Variants in COL4A1 observed in about 807,000 individuals in gnomAD.
COL4A1 encodes collagen type IV alpha 1 chain, also known as collagen alpha-1(IV) chain.
Under a neutral mutation model 216.6 loss-of-function variants are expected in COL4A1, and 40 were observed. The observed-to-expected ratio is 0.18, with a 90% confidence interval of 0.14 to 0.24. The LOEUF is 0.24. Among genes scored for constraint, COL4A1 ranks in the 10% least tolerant of loss-of-function variants. COL4A1 has a pLI of 1.00. For synonymous variants in COL4A1, 839 were observed against 810.7 expected (o/e 1.03, Z -0.59); for missense variants, 1,628 against 2,196.8 (o/e 0.74, Z 5.18).
chr13:110,178,295 T>C, intron 31 of COL4A1, 64 bp from the exon 32 acceptor site: 1 of 1,601,266 alleles, frequency 6.2e-7, no homozygotes, highest in Non-Finnish European at 8.5e-7. Context: ...CAATGTACAG[T>C]GCTCTGTTTA....
intron 1 of COL4A1, among the ~76,000 whole-genome samples, chr13:110,256,821 G>A (rs1461667884): frequency 2.6e-5 from 4 of 152,158 alleles, no homozygotes; most frequent in South Asian, 2.1e-4. Context: ...ATCTAACCAC[G>A]CACTCACTAT....
chr13:110,238,719 T>A (rs577403081), intron 2 of COL4A1, among the ~76,000 whole-genome samples: 2 of 152,302 alleles, frequency 1.3e-5, no homozygotes, highest in African/African-American at 4.8e-5. Flanking sequence ...CAGACTATGG[T>A]GATAGTGTTA....
chr13:110,273,740 C>T (rs1233637113), intron 1 of COL4A1, among the ~76,000 whole-genome samples: 1 of 152,194 alleles, frequency 6.6e-6, no homozygotes, highest in African/African-American at 2.4e-5. Flanking sequence ...AAGGGTCATT[C>T]AGACTGACCC....
At position 110,175,333 on chromosome 13, in the gene COL4A1, G is replaced by T. The variant is rs756879840; in HGVS notation, c.3083C>A (p.Pro1028His). The change falls in exon 37 of 52, where the codon CCT becomes CAT. Residue 1028 changes from proline to histidine, a missense_variant. Physicochemically the swap from Pro to His is moderately conservative, Grantham distance 77. Coordinates refer to ENST00000375820, the MANE Select transcript of COL4A1 (RefSeq NM_001845.6). ...LPGTPGEKGV[P>H]GIPGPQGSPG... ...TGAACCTTGTGGGCCAGGGATGCCA[G>T]GCACACCTTTCTCTCCAGGTGTTCC... 6.2e-7 allele frequency: 1 copy of T among 1,614,186 alleles called. No homozygotes were observed. The highest frequency in any genetic ancestry group is 8.5e-7 in the Non-Finnish European group (1 of 1,180,036).
intron 22 of COL4A1, among the ~76,000 whole-genome samples, chr13:110,194,203 G>T (rs1878773852): frequency 6.6e-6 from 1 of 152,178 alleles, no homozygotes; most frequent in Non-Finnish European, 1.5e-5. Context: ...TTCAGGTCCT[G>T]CAGTGTATGT....
chr13:110,210,672 C>A (rs555849107), intron 8 of COL4A1, among the ~76,000 whole-genome samples: 32 of 152,340 alleles, frequency 2.1e-4, no homozygotes, highest in African/African-American at 7.5e-4. Flanking sequence ...TTGGGTTAAA[C>A]ACCAGACCAG....
rs1287035348 is a variant in COL4A1, at chr13:110,175,365, CACAA to C, written c.3059-12_3059-9del. 6.2e-6 allele frequency: 10 copies of C among 1,614,132 alleles called. No homozygotes were observed. In the East Asian group the frequency reaches 2.2e-4, roughly 36 times the overall value. On this transcript the variant is annotated splice_polypyrimidine_tract_variant and intron_variant, in intron 36 of 51. Coordinates refer to ENST00000375820, the MANE Select transcript of COL4A1 (RefSeq NM_001845.6). ...CTTTCTCTCCAGGTGTTCCTATAAA[CACAA>C]ACAATTGAAACTTGATTTGGGCTTA...
At chr13:110,204,939 G>A (rs979258586) in intron 17 of COL4A1, among the ~76,000 whole-genome samples, 3 of 152,076 alleles carry the variant, frequency 2.0e-5, no homozygotes, top group Admixed American at 6.5e-5. Context: ...CTATCATTAC[G>A]TGAAAAAGCA....
At chr13:110,230,569 C>T (rs1880997249) in intron 2 of COL4A1, among the ~76,000 whole-genome samples, 1 of 152,014 alleles carries the variant, frequency 6.6e-6, no homozygotes, top group Non-Finnish European at 1.5e-5. Context: ...TGCACCTCCT[C>T]TAAGACCACG....
rs569611191 is a variant in COL4A1, at chr13:110,207,559, G to C, written c.694-70C>G. 31 of 1,269,326 alleles carry C rather than the reference G, an allele frequency of 2.4e-5. No homozygotes were observed. In the East Asian group the frequency reaches 3.0e-4, roughly 12 times the overall value. 78.6% of individuals were successfully genotyped at this position (1,269,326 alleles called of 1,614,324 possible). ...ATGCAGACATGAAAAATTGCAGAGA[G>C]AGGTAAAAGCCTAAAATAAAACACC... On this transcript the variant is annotated intron_variant, in intron 12 of 51. Coordinates refer to ENST00000375820, the MANE Select transcript of COL4A1 (RefSeq NM_001845.6). The surrounding 1 kb of genome is among the most constrained non-coding windows in gnomAD (Gnocchi z 4.4).
chr13:110,206,621 AAGG>A, intron 15 of COL4A1, 41 bp downstream of exon 15: 2 of 1,602,052 alleles, frequency 1.2e-6, no homozygotes, highest in South Asian at 1.1e-5. Flanking sequence ...TTCCGCATGG[AAGG>A]AGAATTGTTT....
intron 11 of COL4A1, 38 bp downstream of exon 11, chr13:110,209,354 A>G (rs780536526): frequency 6.3e-7 from 1 of 1,597,858 alleles, no homozygotes; most frequent in South Asian, 1.1e-5. Context: ...ATAGCCTTAT[A>G]CTAATGCCAA....
In COL4A1 at chr13:110,201,241, A is replaced by C. The variant is rs920268319; in HGVS notation, c.1084+197T>G. On this transcript the variant is annotated intron_variant, in intron 19 of 51. Transcript: ENST00000375820. ...TAGAAAGCGTGGGGAGAGAGAGAGAAGGAGGAGGAGGAGGAAGAGGAGAAA... is the reference window on the plus strand; with the variant it reads ...TAGAAAGCGTGGGGAGAGAGAGAGACGGAGGAGGAGGAGGAAGAGGAGAAA... 4.3e-5 allele frequency among the ~76,000 whole-genome samples: 6 copies of C among 140,272 alleles called. No homozygotes were observed. The South Asian group carries it at 1.5e-3, about 35-fold the overall frequency. 92.0% of individuals were successfully genotyped at this position (140,272 alleles called of 152,430 possible).
intron 22 of COL4A1, among the ~76,000 whole-genome samples, chr13:110,194,176 C>G (rs1482933666): frequency 3.3e-5 from 5 of 152,200 alleles, no homozygotes. Flanking sequence ...TGTGATGACG[C>G]CCAAGATCGC....
chr13:110,266,074 G>C (rs1436510909), intron 1 of COL4A1: 3 of 152,220 alleles, frequency 2.0e-5, no homozygotes, highest in Admixed American at 2.0e-4. Flanking sequence ...CAAGCAGGGG[G>C]ACTGAGCCAG....
intron 20 of COL4A1, among the ~76,000 whole-genome samples, chr13:110,200,389 T>C (rs1375332425): frequency 1.3e-5 from 2 of 152,188 alleles, no homozygotes; most frequent in East Asian, 3.9e-4. Flanking sequence ...AGGCTGGGGC[T>C]GGGCACAGCA....
intron 1 of COL4A1, among the ~76,000 whole-genome samples, chr13:110,289,259 T>C (rs951630064): frequency 6.6e-6 from 1 of 152,270 alleles, no homozygotes; most frequent in African/African-American, 2.4e-5. Context: ...GGTAGAGGGC[T>C]GGAGTGATGA....
chr13:110,305,964 T>C (rs1884685310), intron 1 of COL4A1: 1 of 152,260 alleles, frequency 6.6e-6, no homozygotes, highest in Non-Finnish European at 1.5e-5. Context: ...AAAATCATTT[T>C]TAAGCATTTG....
intron 1 of COL4A1, among the ~76,000 whole-genome samples, chr13:110,244,223 A>G (rs1881689199): frequency 6.6e-6 from 1 of 152,164 alleles, no homozygotes; most frequent in African/African-American, 2.4e-5. Flanking sequence ...CCTGCATAAA[A>G]CAATCACATC....
Sources: gnomAD v4.1 joint callset for allele counts (sites outside exome capture counted in the v4.1 genomes callset) on GRCh38, gnomAD v4.1.1 for gene constraint, Gnocchi (gnomAD v3.1) non-coding constraint, MANE v1.5 for transcripts, NCBI Gene and HGNC (gene_info 2026-07-23, HGNC 2026-07-21) for gene names.